COL19A1: variants seen among roughly 807,000 people sequenced by gnomAD.
COL19A1 encodes collagen type XIX alpha 1 chain.
In COL19A1, 159 loss-of-function variants were observed where a neutral mutation model predicts 190.2. The observed-to-expected ratio is 0.84, with a 90% CI of 0.73 to 0.95. The LOEUF (loss-of-function observed/expected upper bound fraction) is 0.95. Ranked by LOEUF, COL19A1 falls within the 40% of genes least tolerant of loss-of-function variation. The pLI is 0.00. For synonymous variants in COL19A1, 509 were observed against 458.9 expected (o/e 1.11, Z -1.39); for missense variants, 1,418 against 1,431.9 (o/e 0.99, Z 0.16).
chr6:69,884,452 G>C (rs1366211849), intron 2 of COL19A1, among the ~76,000 whole-genome samples: 1 of 152,176 alleles, frequency 6.6e-6, no homozygotes, highest in Non-Finnish European at 1.5e-5. Context: ...AAACCAGTAG[G>C]ATAAAACAGA....
At chr6:69,902,615 C>T (rs887097305) in intron 4 of COL19A1, among the ~76,000 whole-genome samples, 1 of 152,134 alleles carries the variant, frequency 6.6e-6, no homozygotes, top group African/African-American at 2.4e-5. Context: ...CTGCCCTGGG[C>T]AATAGTATCA....
intron 2 of COL19A1, among the ~76,000 whole-genome samples, chr6:69,881,988 C>T (rs544750584): frequency 9.9e-5 from 15 of 152,214 alleles, no homozygotes; most frequent in Admixed American, 6.5e-4. Flanking sequence ...CAGACCTGCG[C>T]GTGTGGTCAC....
chr6:70,184,805 T>C, intron 45 of COL19A1, 66 bp from the exon 46 acceptor site: 1 of 1,605,732 alleles, frequency 6.2e-7, no homozygotes, highest in East Asian at 2.2e-5. Flanking sequence ...TACCAACATT[T>C]ACATCAATCA....
chr6:70,002,488 G>A lies in COL19A1; in HGVS notation c.1027-21139G>A, dbSNP rs1267606877. On this transcript the variant is annotated intron_variant, in intron 11 of 50. Transcript: ENST00000620364. The stretch of plus-strand genomic sequence containing the variant: ...TAGCTGTGAATCCGTCTGGTCCTGG[G>A]CTTTTTTTTTGGTTGGCAGGCTATT... Among the ~76,000 whole-genome samples the A allele has an allele frequency of 1.3e-5, 2 of 149,294 alleles. 1 individual carries two copies. Among genetic ancestry groups the A allele is most frequent in the East Asian group, 4.1e-4 (2 of 4,888 alleles).
intron 34 of COL19A1, among the ~76,000 whole-genome samples, chr6:70,158,269 C>T (rs1293036866): frequency 6.6e-6 from 1 of 152,022 alleles, no homozygotes; most frequent in Admixed American, 6.6e-5. Context: ...TTTGAAATTA[C>T]AATTTGTTGA....
intron 15 of COL19A1, among the ~76,000 whole-genome samples, chr6:70,099,792 C>A (rs1447017271): frequency 1.3e-5 from 2 of 152,170 alleles, no homozygotes; most frequent in African/African-American, 4.8e-5. Context: ...TACTTAGCAA[C>A]CCCCAAAAAT....
At chr6:70,079,558 A>G (rs1782110254) in intron 15 of COL19A1, among the ~76,000 whole-genome samples, 1 of 152,212 alleles carries the variant, frequency 6.6e-6, no homozygotes, top group Non-Finnish European at 1.5e-5. Context: ...TAAAGTATAG[A>G]AAAGTGGGAG....
rs201377625 is a variant in COL19A1 at position 70,140,911 on chromosome 6, T to C, written c.1447-43T>C. Reference sequence around the variant, plus strand: ...TCCACACCCCGGTTTGGAGAGTTTATTTCTAAGAGCGTTTAATTCTATTTT... The same window carrying C: ...TCCACACCCCGGTTTGGAGAGTTTACTTCTAAGAGCGTTTAATTCTATTTT... On this transcript the variant is annotated intron_variant, in intron 19 of 50. Transcript: ENST00000620364. 3,582 of 1,601,566 alleles carry C rather than the reference T, an allele frequency of 2.2e-3. 6 individuals are homozygous for C. Among genetic ancestry groups the C allele is most frequent in the Non-Finnish European group, 2.8e-3 (3,287 of 1,169,516 alleles).
chr6:69,998,752 TATTC>T (rs1777076365), intron 11 of COL19A1, among the ~76,000 whole-genome samples: 1 of 151,496 alleles, frequency 6.6e-6, no homozygotes, highest in Admixed American at 6.6e-5. Context: ...ATTGTGAAAA[TATTC>T]AAGCATATAC....
intron 18 of COL19A1, among the ~76,000 whole-genome samples, chr6:70,136,261 A>G (rs1173636270): frequency 6.6e-6 from 1 of 152,210 alleles, no homozygotes; most frequent in Non-Finnish European, 1.5e-5. Flanking sequence ...GTAAATTTAT[A>G]CTTGAAGCAC....
chr6:70,020,671 A>G (rs922406615), intron 11 of COL19A1, among the ~76,000 whole-genome samples: 3 of 152,128 alleles, frequency 2.0e-5, no homozygotes, highest in Admixed American at 1.3e-4. Flanking sequence ...CAATGTCTGC[A>G]GACATTTTTT....
intron 14 of COL19A1, among the ~76,000 whole-genome samples, chr6:70,067,051 G>C (rs1227764885): frequency 6.6e-6 from 1 of 152,162 alleles, no homozygotes; most frequent in Non-Finnish European, 1.5e-5. Flanking sequence ...AGCCTGGTGA[G>C]AGTAACAAAT....
intron 48 of COL19A1, among the ~76,000 whole-genome samples, chr6:70,197,881 T>A (rs1517042): frequency 0.35 from 53,594 of 152,098 alleles, 9,710 homozygotes; most frequent in Middle Eastern, 0.47. Context: ...TCGGATAATG[T>A]CAGCTAATGC....
chr6:70,151,417 A>C lies in COL19A1; in HGVS notation c.2058A>C (p.Gly686=), dbSNP rs113300239. ...CACAGATTGCACTTCCTCTCTTGGGAGACATCGGTGCTTTGCTCAAGGTAC... is the reference window on the plus strand; with the variant it reads ...CACAGATTGCACTTCCTCTCTTGGGCGACATCGGTGCTTTGCTCAAGGTAC... ...PGDPIALPLL[G]DIGALLKNFC... The change falls in exon 31 of 51, where the codon GGA becomes GGC. Residue 686 remains glycine (G), a synonymous_variant. Coordinates refer to ENST00000620364, the MANE Select transcript of COL19A1 (RefSeq NM_001858.6). The C allele has an allele frequency of 5.0e-6, 8 of 1,612,670 alleles. No homozygotes were observed. The South Asian group carries it at 8.8e-5, about 18-fold the overall frequency.
At chr6:69,974,232 T>C (rs1434665680) in intron 11 of COL19A1, 1 of 152,246 alleles carries the variant, frequency 6.6e-6, no homozygotes, top group Non-Finnish European at 1.5e-5. Context: ...CTTTTCCTTA[T>C]TGTTCCTCAT....
intron 15 of COL19A1, among the ~76,000 whole-genome samples, chr6:70,074,225 G>A (rs1052126217): frequency 5.9e-5 from 9 of 151,996 alleles, no homozygotes; most frequent in African/African-American, 1.5e-4. Context: ...TTCATTGGGC[G>A]CGGTGGCTCA....
At chr6:70,167,643 G>A (rs1460821417) in intron 37 of COL19A1, among the ~76,000 whole-genome samples, 1 of 152,090 alleles carries the variant, frequency 6.6e-6, no homozygotes, top group Non-Finnish European at 1.5e-5. Context: ...CAGCACTATG[G>A]CATTATAGCC....
In COL19A1 at chr6:70,027,024, C is replaced by T. The variant is rs113938079; in HGVS notation, c.1080+3344C>T. 4.8e-3 allele frequency among the ~76,000 whole-genome samples: 724 copies of T among 152,188 alleles called. 2 individuals carry two copies. The highest frequency in any genetic ancestry group is 8.5e-3 in the Admixed American group (130 of 15,296). On this transcript the variant is annotated intron_variant, in intron 12 of 50. Transcript: ENST00000620364. Reference sequence around the variant, plus strand: ...CTGACTTTCAATAAGCCCAGGTATACATTCTTAGGAATTGAAAGGTATTAT... The same window carrying T: ...CTGACTTTCAATAAGCCCAGGTATATATTCTTAGGAATTGAAAGGTATTAT...
intron 14 of COL19A1, among the ~76,000 whole-genome samples, chr6:70,036,716 T>C (rs1779374672): frequency 6.6e-6 from 1 of 152,156 alleles, no homozygotes; most frequent in African/African-American, 2.4e-5. Flanking sequence ...TTGAATTTTA[T>C]GTTGATGTTA....
Sources: allele counts gnomAD v4.1 joint callset (sites outside exome capture counted in the v4.1 genomes callset), GRCh38; gene constraint gnomAD v4.1.1; transcripts MANE v1.5; gene names NCBI Gene and HGNC (gene_info 2026-07-23, HGNC 2026-07-21).